The following SMOC2 variants were observed in gnomAD, a reference collection of about 807,000 sequenced individuals.
SMOC2 encodes SPARC related modular calcium binding 2, also known as SPARC-related modular calcium-binding protein 2.
SMOC2 carries 39 observed loss-of-function variants against 61.4 expected under a neutral mutation model. The ratio of observed to expected loss-of-function variants is 0.64; its 90% CI spans 0.49 to 0.83. SMOC2 has a LOEUF of 0.83. SMOC2 is among the 40% of genes least tolerant of loss of function. SMOC2 has a pLI of 0.00. For missense variants in SMOC2, 556 were observed against 592.9 expected (o/e 0.94, Z 0.65); for synonymous variants, 247 against 239.9 (o/e 1.03, Z -0.27).
intron 2 of SMOC2, among the ~76,000 whole-genome samples, chr6:168,525,877 C>G (rs1234370421): frequency 6.6e-6 from 1 of 152,172 alleles, no homozygotes; most frequent in East Asian, 1.9e-4. Context: ...AGTCACTTCC[C>G]TTTGGTCTGT....
At chr6:168,451,599 G>GTCTCTCTCTCTCTCTC (rs59096709) in intron 1 of SMOC2, among the ~76,000 whole-genome samples, 1 of 145,530 alleles carries the variant, frequency 6.9e-6, no homozygotes, top group African/African-American at 2.5e-5. Flanking sequence ...CTCTGTCTCT[G>GTCTCTCTCTCTCTCTC]TCTCTCTCTC....
chr6:168,443,142 C>T lies in SMOC2; in HGVS notation c.84+1688C>T, dbSNP rs149570968. Among the ~76,000 whole-genome samples, 13 of 152,326 alleles carry T rather than the reference C, an allele frequency of 8.5e-5. No homozygotes were observed. In the East Asian group the frequency reaches 1.7e-3, roughly 20 times the overall value. ...TAGCAGCAGGTACCTACAGTTGCCACGGATTTTCAGATTTTCTGAAAGCGC... is the reference window on the plus strand; with the variant it reads ...TAGCAGCAGGTACCTACAGTTGCCATGGATTTTCAGATTTTCTGAAAGCGC... On this transcript the variant is annotated intron_variant, in intron 1 of 12. Transcript: ENST00000356284.
intron 8 of SMOC2, 56 bp downstream of exon 8, chr6:168,599,060 G>A: frequency 6.7e-7 from 1 of 1,488,030 alleles, no homozygotes. Flanking sequence ...GGGTGTGGAA[G>A]CCAGGAAAGC....
intron 8 of SMOC2, among the ~76,000 whole-genome samples, chr6:168,599,230 T>C (rs1785427612): frequency 1.6e-5 from 1 of 64,342 alleles, no homozygotes; most frequent in Non-Finnish European, 3.3e-5. Flanking sequence ...ACACCCATGG[T>C]CTCTCTCACA....
rs1785760944 is a variant in SMOC2 at position 168,608,163 on chromosome 6, G to A, written c.831G>A (p.Glu277=). The A allele has an allele frequency of 6.2e-7, 1 of 1,613,682 alleles. No homozygotes were observed. Among genetic ancestry groups the A allele is most frequent in the Non-Finnish European group, 8.5e-7 (1 of 1,179,896 alleles). Reference sequence around the variant, plus strand: ...GCCTTCCCCCCGCCCATAGGTACGAGCAGCCGAAATGTGACAACACGGCCA... The same window carrying A: ...GCCTTCCCCCCGCCCATAGGTACGAACAGCCGAAATGTGACAACACGGCCA... The part of the protein sequence containing the change: ...RPIPGTSTRY[E]QPKCDNTARA... Residue 277 remains glutamate (E), a synonymous_variant, in exon 9 of 13, where the codon GAG becomes GAA. Transcript: ENST00000356284.
chr6:168,532,750 G>A lies in SMOC2; in HGVS notation c.463+5023G>A, dbSNP rs142647176. 3.3e-5 allele frequency among the ~76,000 whole-genome samples: 5 copies of A among 152,296 alleles called. No individual in the cohort carries two copies. The East Asian group carries it at 7.7e-4, about 24-fold the overall frequency. ...GTTTGAAGGAAGCTACAGGTTTTGA[G>A]TTACAGAAGAGGGATAGACACAGCC... is the stretch of plus-strand genomic sequence containing the variant. On this transcript the variant is annotated intron_variant, in intron 4 of 12. Transcript: ENST00000356284.
rs1470796476 is a variant in SMOC2 at position 168,453,318 on chromosome 6, C to CG, written c.84+11867dup. 6.6e-6 allele frequency among the ~76,000 whole-genome samples: 1 copy of CG among 152,170 alleles called. No individual in the cohort carries two copies. Among genetic ancestry groups the CG allele is most frequent in the Admixed American group, 6.5e-5 (1 of 15,278 alleles). ...CCGTCACCCTGCGGCCCTGTCATTTCGGGCTGTGCCTTTGTCTCCGGGTCT... is the reference window on the plus strand; with the variant it reads ...CCGTCACCCTGCGGCCCTGTCATTTCGGGGCTGTGCCTTTGTCTCCGGGTCT... On this transcript the variant is annotated intron_variant, in intron 1 of 12. Transcript: ENST00000356284. This position sits in a 1 kb window ranked among gnomAD's most constrained non-coding sequence, Gnocchi z 4.4.
chr6:168,466,196 G>A (rs1409997499), intron 1 of SMOC2, among the ~76,000 whole-genome samples: 1 of 150,488 alleles, frequency 6.6e-6, no homozygotes, highest in Non-Finnish European at 1.5e-5. Context: ...GAACATTGGG[G>A]GCTCTGAATG....
chr6:168,485,609 A>C (rs1280506556), intron 1 of SMOC2, among the ~76,000 whole-genome samples: 3 of 152,220 alleles, frequency 2.0e-5, no homozygotes, highest in Non-Finnish European at 4.4e-5. Context: ...TAAAATGCCC[A>C]GAATAGGGAA....
At chr6:168,643,774 G>C (rs1265849387) in intron 9 of SMOC2, among the ~76,000 whole-genome samples, 1 of 152,238 alleles carries the variant, frequency 6.6e-6, no homozygotes, top group Non-Finnish European at 1.5e-5. Context: ...CTCCCACTGA[G>C]TGTGACTTGG....
rs1376485258 is a variant in SMOC2 at position 168,475,987 on chromosome 6, G to A, written c.85-33928G>A. ...TAGTCCACTTGGGACCTTCCCACAC[G>A]TGGTCTCCCAGAACCATTCCGGTCT... On this transcript the variant is annotated intron_variant, in intron 1 of 12. Transcript: ENST00000356284. The surrounding 1 kb of genome is among the most constrained non-coding windows in gnomAD (Gnocchi z 4.6). 6.6e-6 allele frequency among the ~76,000 whole-genome samples: 1 copy of A among 152,096 alleles called. No individual in the cohort carries two copies. Among genetic ancestry groups the A allele is most frequent in the African/African-American group, 2.4e-5 (1 of 41,444 alleles).
intron 1 of SMOC2, among the ~76,000 whole-genome samples, chr6:168,464,471 G>A (rs1278380563): frequency 6.6e-6 from 1 of 152,122 alleles, no homozygotes; most frequent in East Asian, 1.9e-4. Flanking sequence ...CACTGTGAAA[G>A]GGTAGACAGG....
chr6:168,577,800 G>A (rs879749595), intron 7 of SMOC2, among the ~76,000 whole-genome samples: 10 of 152,192 alleles, frequency 6.6e-5, no homozygotes, highest in Admixed American at 5.9e-4. Flanking sequence ...AGACAGCAAC[G>A]CATGGGGCCT....
At chr6:168,664,382 ATCTTTTTTTTT>A (rs1478800938) in intron 12 of SMOC2, 28 of 302,688 alleles carry the variant, frequency 9.3e-5, no homozygotes, top group African/African-American at 3.9e-4. Flanking sequence ...TGTTTGGTAG[ATCTTTTTTTTT>A]TTTTTTTTTT....
intron 10 of SMOC2, among the ~76,000 whole-genome samples, chr6:168,651,709 T>C (rs191573621): frequency 6.6e-6 from 1 of 152,238 alleles, no homozygotes; most frequent in East Asian, 1.9e-4. Flanking sequence ...AAAAAGGCAA[T>C]ACTAACAGAA....
chr6:168,613,674 C>A (rs1785955429), intron 9 of SMOC2, among the ~76,000 whole-genome samples: 1 of 145,846 alleles, frequency 6.9e-6, no homozygotes, highest in South Asian at 2.3e-4. Context: ...TTCACACCTA[C>A]AGCCAGCACA....
Position 168,621,294 on chromosome 6 carries a change from A to C in SMOC2, c.907+13055A>C, listed in dbSNP as rs375490924. Among the ~76,000 whole-genome samples the C allele has an allele frequency of 4.1e-4, 63 of 152,358 alleles. No homozygotes were observed. In the South Asian group the frequency reaches 6.8e-3, roughly 17 times the overall value. On this transcript the variant is annotated intron_variant, in intron 9 of 12. Coordinates refer to ENST00000356284, the MANE Select transcript of SMOC2 (RefSeq NM_001166412.2). ...CTCTACGCTTTTCCTGATGTAATCA[A>C]CTTACTTGAAATGTATAATCCCCTT...
At chr6:168,596,792 A>C (rs1785345873) in intron 7 of SMOC2, among the ~76,000 whole-genome samples, 1 of 152,266 alleles carries the variant, frequency 6.6e-6, no homozygotes, top group Non-Finnish European at 1.5e-5. Context: ...TTGAGGCAAA[A>C]GCCTCTTTAC....
intron 9 of SMOC2, among the ~76,000 whole-genome samples, chr6:168,624,039 C>T (rs1786320470): frequency 6.6e-6 from 1 of 152,186 alleles, no homozygotes; most frequent in Admixed American, 6.5e-5. Flanking sequence ...CACGGATGCA[C>T]AGAAGCCCCT....
Sources: gnomAD v4.1 joint callset for allele counts (sites outside exome capture counted in the v4.1 genomes callset) on GRCh38, gnomAD v4.1.1 for gene constraint, Gnocchi (gnomAD v3.1) non-coding constraint, MANE v1.5 for transcripts, NCBI Gene and HGNC (gene_info 2026-07-23, HGNC 2026-07-21) for gene names.